Variants in WDR87 observed in about 807,000 individuals in gnomAD.
WDR87 encodes WD repeat domain 87.
Under a neutral mutation model 83.3 loss-of-function variants are expected in WDR87, and 56 were observed. That is an observed-to-expected ratio of 0.67 (90% CI 0.54 to 0.84). WDR87 has a LOEUF of 0.84. WDR87 is among the 40% of genes least tolerant of loss of function. The pLI is 0.00. For missense variants in WDR87, 2,939 were observed against 3,431.9 expected, an observed-to-expected ratio of 0.86 and a Z score of 3.59; for synonymous variants, 1,173 against 1,250.6, an observed-to-expected ratio of 0.94 and a Z score of 1.31.
chr19:37,899,646 CT>C (rs1218992457), intron 1 of WDR87, among the ~76,000 whole-genome samples: 1 of 152,032 alleles, frequency 6.6e-6, no homozygotes, highest in Non-Finnish European at 1.5e-5. Context: ...CAGGGTCTCA[CT>C]ATGTTGCCCA....
chr19:37,889,598 A>G lies in WDR87; in HGVS notation c.4073T>C (p.Ile1358Thr). ...VVPPEKKPIF[I>T]QEGAIREDMI... ...GTCCTCTCTAATTGCTCCTTCCTGG[A>G]TAAAAATTGGTTTCTTCTCTGGCGG... Residue 1358 changes from isoleucine (I) to threonine (T), a missense_variant, in exon 6 of 6, where the codon ATC becomes ACC. Ile to Thr is a moderately conservative substitution (Grantham distance 89). This residue lies in a region of WDR87 where 2,160 missense variants were observed against 2,533.1 expected (regional missense o/e 0.85). Coordinates refer to ENST00000447313, the MANE Select transcript of WDR87 (RefSeq NM_001291088.2). The G allele has an allele frequency of 1.3e-6, 2 of 1,551,744 alleles. No individual in the cohort carries two copies. The highest frequency in any genetic ancestry group is 2.4e-5 in the East Asian group (1 of 40,900).
intron 1 of WDR87, among the ~76,000 whole-genome samples, chr19:37,904,420 G>A (rs909153868): frequency 2.0e-5 from 3 of 150,756 alleles, no homozygotes; most frequent in Admixed American, 1.3e-4. Context: ...GTGCAGTGGC[G>A]CGATCTTGGC....
At position 37,885,778 on chromosome 19, in the gene WDR87, C is replaced by A. The variant is rs1047946861; in HGVS notation, c.7893G>T (p.Gln2631His). The change falls in exon 6 of 6, where the codon CAG becomes CAT. Residue 2631 changes from glutamine (Q) to histidine (H), a missense_variant. By Grantham distance (24) the Gln-to-His change is conservative. This residue lies in a region of WDR87 where 2,160 missense variants were observed against 2,533.1 expected (regional missense o/e 0.85). Coordinates refer to ENST00000447313, the MANE Select transcript of WDR87 (RefSeq NM_001291088.2). ...CTTTCAGGTATTTTGGACTCATGGA[C>A]TGTCTACTTGAGATCCTTGTGTCTT... The part of the protein sequence containing the change: ...ESQDTRISSR[Q>H]SMSPKYLKVI... 22 of 1,551,668 alleles carry A rather than the reference C, an allele frequency of 1.4e-5. No homozygotes were observed. Among genetic ancestry groups the A allele is most frequent in the Non-Finnish European group, 1.9e-5 (22 of 1,147,030 alleles).
intron 5 of WDR87, 59 bp downstream of exon 5, chr19:37,891,493 C>T (rs2046204600): frequency 2.0e-6 from 3 of 1,530,714 alleles, no homozygotes; most frequent in Non-Finnish European, 2.6e-6. Flanking sequence ...TCCACTTTAA[C>T]CCTAACTACC....
Position 37,892,685 on chromosome 19 carries a change from A to T in WDR87, c.3018T>A (p.Asp1006Glu). ...TTAGGGTCTTGATCCTCACTCTTTCATCCTTGTCCATTAATCCTTGAGCCA... is the reference window on the plus strand; with the variant it reads ...TTAGGGTCTTGATCCTCACTCTTTCTTCCTTGTCCATTAATCCTTGAGCCA... ...MPLAQGLMDK[D>E]ERVRIKTLSL... The change falls in exon 4 of 6, where the codon GAT becomes GAA. Residue 1006 changes from aspartate to glutamate, a missense_variant. Asp to Glu is a conservative substitution (Grantham distance 45). Coordinates refer to ENST00000447313, the MANE Select transcript of WDR87 (RefSeq NM_001291088.2). 1 of 1,551,838 alleles carries T rather than the reference A, an allele frequency of 6.4e-7. No individual in the cohort carries two copies. Among genetic ancestry groups the T allele is most frequent in the East Asian group, 2.4e-5 (1 of 40,926 alleles).
In WDR87 at chr19:37,888,436, ATT is replaced by A; in HGVS notation, c.5233_5234del (p.Asn1745SerfsTer38). 6.4e-7 allele frequency: 1 copy of A among 1,550,638 alleles called. No individual in the cohort carries two copies. The highest frequency in any genetic ancestry group is 8.7e-7 in the Non-Finnish European group (1 of 1,146,762). ...KVEELPQREQ[N>X]LDWQEKELAQ... ...CCAGCTCCTTTTCTTGCCAGTCCAG[ATT>A]TTGTTCCCTCTGGGGCAGTTCTTCC... On this transcript the variant is annotated frameshift_variant, in exon 6 of 6. Transcript: ENST00000447313. LOFTEE classifies it low-confidence loss of function (END_TRUNC).
rs180905815 is a variant in WDR87 at position 37,887,110 on chromosome 19, G to C, written c.6561C>G (p.Asn2187Lys). The C allele has an allele frequency of 1.4e-5, 21 of 1,548,686 alleles. No homozygotes were observed. The highest frequency in any genetic ancestry group is 2.8e-5 in the African/African-American group (2 of 72,434). ...CTTTGTTTATCATTCTTCTCATTTT[G>C]TTGGCCAGTTTTCTCTGCTTCCGAG... ...KLARKQRKLA[N>K]KMRRMINKEE... Residue 2187 changes from asparagine (N) to lysine (K), a missense_variant, in exon 6 of 6, where the codon AAC (asparagine) becomes AAG (lysine). Transcript: ENST00000447313.
Position 37,893,277 on chromosome 19 carries a change from T to TA in WDR87, c.2425dup (p.Tyr809LeufsTer13). On this transcript the variant is annotated frameshift_variant, in exon 4 of 6. Coordinates refer to ENST00000447313, the MANE Select transcript of WDR87 (RefSeq NM_001291088.2). LOFTEE classifies it high-confidence loss of function. ...AAGCCATTCCCGCCCATGACCAAAGTAGTATCGCAATATCTGATAGGGGTT... is the reference window on the plus strand; with the variant it reads ...AAGCCATTCCCGCCCATGACCAAAGTAAGTATCGCAATATCTGATAGGGGTT... 1 of 1,551,712 alleles carries TA rather than the reference T, an allele frequency of 6.4e-7. No homozygotes were observed. Among genetic ancestry groups the TA allele is most frequent in the South Asian group, 1.2e-5 (1 of 84,064 alleles).
chr19:37,890,218 G>A lies in WDR87; in HGVS notation c.3453C>T (p.Ser1151=). Reference sequence around the variant, plus strand: ...CATCCTCTAAGAGGCCTGGCTCTGTGCTCATCTGTTTAGAGTCTCTCTCTT... The same window carrying A: ...CATCCTCTAAGAGGCCTGGCTCTGTACTCATCTGTTTAGAGTCTCTCTCTT... The part of the protein sequence containing the change: ...KTKERDSKQM[S]TEPGLLEDES... The change falls in exon 6 of 6, where the codon AGC becomes AGT. Residue 1151 remains serine (S), a synonymous_variant. Coordinates refer to ENST00000447313, the MANE Select transcript of WDR87 (RefSeq NM_001291088.2). 1.3e-6 allele frequency: 2 copies of A among 1,551,550 alleles called. No individual in the cohort carries two copies. Among genetic ancestry groups the A allele is most frequent in the Non-Finnish European group, 1.7e-6 (2 of 1,146,952 alleles).
rs935404113 is a variant in WDR87 at position 37,886,837 on chromosome 19, C to T, written c.6834G>A (p.Lys2278=). 6.4e-6 allele frequency: 10 copies of T among 1,550,858 alleles called. No homozygotes were observed. The highest frequency in any genetic ancestry group is 2.4e-5 in the East Asian group (1 of 40,890). Residue 2278 remains lysine, a synonymous_variant, in exon 6 of 6, where the codon AAG becomes AAA. Transcript: ENST00000447313. ...CCTCCTCAGAAGACAAACTCTCTTG[C>T]TTTTCTAGTTCATCTAACAGGCTTT... ...EMESLLDELE[K]QESLSSEEEE...
chr19:37,893,095 C>G lies in WDR87; in HGVS notation c.2608G>C (p.Ala870Pro), dbSNP rs2046220810. The change falls in exon 4 of 6, where the codon GCT becomes CCT. Residue 870 changes from alanine to proline, a missense_variant. Transcript: ENST00000447313. The part of the protein sequence containing the change: ...EFFFWHSRVR[A>P]ISNTEYPKNK... ...TTTGGATATTCTGTATTACTTATAG[C>G]TCTTACCCTGCTGTGCCAGAAAAAG... 6.4e-7 allele frequency: 1 copy of G among 1,551,762 alleles called. No homozygotes were observed. The highest frequency in any genetic ancestry group is 8.7e-7 in the Non-Finnish European group (1 of 1,147,008).
intron 1 of WDR87, among the ~76,000 whole-genome samples, chr19:37,901,171 G>A (rs958109238): frequency 1.3e-5 from 2 of 150,956 alleles, no homozygotes; most frequent in South Asian, 2.1e-4. Flanking sequence ...GGTGGCTCAC[G>A]CCTGTAATCC....
In WDR87 at chr19:37,894,711, T is replaced by C; in HGVS notation, c.992A>G (p.Gln331Arg). ...LELGEELYRL[Q>R]FIDSITFFCQ... Reference sequence around the variant, plus strand: ...GAAGAAAGTAATGCTGTCAATAAACTGGAGCCGGTATAGCTCCTCACCAAG... The same window carrying C: ...GAAGAAAGTAATGCTGTCAATAAACCGGAGCCGGTATAGCTCCTCACCAAG... Residue 331 changes from glutamine (Q) to arginine (R), a missense_variant, in exon 4 of 6, where the codon CAG becomes CGG. Coordinates refer to ENST00000447313, the MANE Select transcript of WDR87 (RefSeq NM_001291088.2). 6.4e-7 allele frequency: 1 copy of C among 1,551,740 alleles called. No homozygotes were observed.
Position 37,887,132 on chromosome 19 carries a change from C to A in WDR87, c.6539G>T (p.Arg2180Leu). ...TTTGTTGGCCAGTTTTCTCTGCTTC[C>A]GAGCCAGTTTCTTCTCATCTTTAGT... ...ELTKDEKKLA[R>L]KQRKLANKMR... The change falls in exon 6 of 6, where the codon CGG (arginine) becomes CTG (leucine). Residue 2180 changes from arginine (R) to leucine (L), a missense_variant. Arg to Leu is a moderately radical substitution (Grantham distance 102). Transcript: ENST00000447313. The A allele has an allele frequency of 6.5e-7, 1 of 1,550,112 alleles. No homozygotes were observed. Among genetic ancestry groups the A allele is most frequent in the Non-Finnish European group, 8.7e-7 (1 of 1,146,758 alleles).
Position 37,889,363 on chromosome 19 carries a change from C to G in WDR87, c.4308G>C (p.Gln1436His). The G allele has an allele frequency of 2.0e-5, 31 of 1,551,768 alleles. No individual in the cohort carries two copies. Among genetic ancestry groups the G allele is most frequent in the Non-Finnish European group, 2.7e-5 (31 of 1,147,032 alleles). The change falls in exon 6 of 6, where the codon CAG (glutamine) becomes CAC (histidine). Residue 1436 changes from glutamine (Q) to histidine (H), a missense_variant. Gln to His is a conservative substitution (Grantham distance 24). Transcript: ENST00000447313. ...CTTTCCTCCCTTGCTTAGGTGACTT[C>G]TGAAAGGTTTTCTTCTCTTCTTTCT... The part of the protein sequence containing the change: ...ISKKEEKKTF[Q>H]KSPKQGRKAV...
intron 3 of WDR87, 143 bp from the exon 4 acceptor site, chr19:37,895,599 C>T (rs1478229178): frequency 1.4e-6 from 1 of 713,052 alleles, no homozygotes; most frequent in East Asian, 2.8e-5. Flanking sequence ...GAAACCCCAT[C>T]TCTACTAAAA....
Position 37,889,995 on chromosome 19 carries a change from T to G in WDR87, c.3676A>C (p.Lys1226Gln), listed in dbSNP as rs1345323246. Residue 1226 changes from lysine to glutamine, a missense_variant, in exon 6 of 6, where the codon AAA becomes CAA. By Grantham distance (53) the Lys-to-Gln change is moderately conservative. Around this residue, in one of 3 missense-constraint regions of WDR87, gnomAD observed 2,160 missense variants for 2,533.1 expected, o/e 0.85. Transcript: ENST00000447313. ...TTCTTTTTGTGCTTCTTTTTGAGTT[T>G]CTGAGCTGTTGCTTTCTTGTCTCTT... is the stretch of plus-strand genomic sequence containing the variant. ...DKRDKKATAQ[K>Q]LKKKHKKKGK... 1.3e-6 allele frequency: 2 copies of G among 1,551,786 alleles called. No homozygotes were observed. Among genetic ancestry groups the G allele is most frequent in the African/African-American group, 2.7e-5 (2 of 73,186 alleles).
rs1281695093 is a variant in WDR87, at chr19:37,885,379, C to A, written c.8292G>T (p.Leu2764Phe). 1.9e-6 allele frequency: 3 copies of A among 1,551,754 alleles called. No homozygotes were observed. Among genetic ancestry groups the A allele is most frequent in the Non-Finnish European group, 1.7e-6 (2 of 1,147,052 alleles). The change falls in exon 6 of 6, where the codon TTG (leucine) becomes TTT (phenylalanine). Residue 2764 changes from leucine to phenylalanine, a missense_variant. Leu to Phe is a conservative substitution (Grantham distance 22). Transcript: ENST00000447313. ...GGTACAGTGCCACAAATGTCTCCCA[C>A]AAAGGCAACTCTTCCTTTTTTTTAG... Reference protein sequence around the residue: ...PISKKKEELPLWETFVALYHV... With the variant: ...PISKKKEELPFWETFVALYHV...
intron 2 of WDR87, among the ~76,000 whole-genome samples, chr19:37,897,938 TC>T (rs1300729868): frequency 6.6e-6 from 1 of 152,078 alleles, no homozygotes; most frequent in Non-Finnish European, 1.5e-5. Context: ...GAAGGTCAGT[TC>T]CTCTTACAAT....
Sources: allele counts gnomAD v4.1 joint callset (sites outside exome capture counted in the v4.1 genomes callset), GRCh38; gene constraint gnomAD v4.1.1; regional missense constraint gnomAD v4.1.1; transcripts MANE v1.5; gene names NCBI Gene and HGNC (gene_info 2026-07-23, HGNC 2026-07-21).